The following HECW1 variants were observed in gnomAD, a reference collection of about 807,000 sequenced individuals.
HECW1 encodes the protein E3 ubiquitin-protein ligase HECW1.
A neutral mutation model predicts 182.3 loss-of-function variants in HECW1; 61 were observed. The observed-to-expected ratio is 0.33, with a 90% CI of 0.27 to 0.41. The LOEUF (loss-of-function observed/expected upper bound fraction) is 0.41. HECW1 is among the 10% of genes least tolerant of loss of function. The probability of loss-of-function intolerance (pLI) is 1.00; values close to 1 mark genes in which losing one functional copy is unlikely to be tolerated. For synonymous variants in HECW1, 859 were observed against 832.6 expected, an observed-to-expected ratio of 1.03 and a Z score of -0.55; for missense variants, 1,739 against 2,108.9, an observed-to-expected ratio of 0.82 and a Z score of 3.44.
chr7:43,334,906 C>A (rs1301186159), intron 5 of HECW1, among the ~76,000 whole-genome samples: 1 of 152,176 alleles, frequency 6.6e-6, no homozygotes, highest in African/African-American at 2.4e-5. Flanking sequence ...CAGACACAGC[C>A]TTTTCTTGGA....
At chr7:43,411,389 T>G (rs2075798991) in intron 8 of HECW1, among the ~76,000 whole-genome samples, 1 of 152,204 alleles carries the variant, frequency 6.6e-6, no homozygotes, top group Non-Finnish European at 1.5e-5. Context: ...AGCCATGTTT[T>G]ACAGTCCAGC....
intron 2 of HECW1, among the ~76,000 whole-genome samples, chr7:43,139,103 A>T (rs948663759): frequency 3.3e-5 from 5 of 151,804 alleles, no homozygotes; most frequent in Non-Finnish European, 5.9e-5. Context: ...TCTCCATTTT[A>T]TTATGATATC....
intron 9 of HECW1, 119 bp from the exon 10 acceptor site, chr7:43,442,410 G>C: frequency 1.5e-6 from 1 of 664,668 alleles, no homozygotes; most frequent in Non-Finnish European, 2.8e-6. Flanking sequence ...TATTGCTGTT[G>C]AGCACATCAG....
At chr7:43,441,544 T>C (rs2076888082) in intron 9 of HECW1, among the ~76,000 whole-genome samples, 1 of 129,364 alleles carries the variant, frequency 7.7e-6, no homozygotes, top group South Asian at 2.8e-4. Context: ...ATCCGTGTCT[T>C]TTTTTATTCT....
chr7:43,556,296 T>C (rs2082017389), intron 29 of HECW1, among the ~76,000 whole-genome samples: 1 of 152,098 alleles, frequency 6.6e-6, no homozygotes, highest in Admixed American at 6.5e-5. Flanking sequence ...TGGCAGCACG[T>C]GTTCAGGAAG....
At chr7:43,260,709 G>C (rs1024918883) in intron 3 of HECW1, among the ~76,000 whole-genome samples, 3 of 152,160 alleles carry the variant, frequency 2.0e-5, no homozygotes, top group South Asian at 4.1e-4. Context: ...GGTTGATTTA[G>C]TGATTTAGTA....
At chr7:43,509,246 T>A (rs1045680385) in intron 24 of HECW1, 125 bp downstream of exon 24, 2 of 854,238 alleles carry the variant, frequency 2.3e-6, no homozygotes. Flanking sequence ...GGGATGAGAG[T>A]GAATGACAGA....
At chr7:43,529,981 G>A (rs188167296) in intron 24 of HECW1, among the ~76,000 whole-genome samples, 8 of 150,592 alleles carry the variant, frequency 5.3e-5, no homozygotes, top group South Asian at 2.1e-4. Flanking sequence ...ACAGAGTTTC[G>A]CTCTGTCACC....
At position 43,133,617 on chromosome 7, in the gene HECW1, CTT is replaced by C. The variant is rs530544997; in HGVS notation, c.-32+19228_-32+19229del. The stretch of plus-strand genomic sequence containing the variant: ...TTGTTTTTACATTTTATATTTCTCT[CTT>C]TCTTTCTCTGTTCCTTCCTTACTCT... On this transcript the variant is annotated intron_variant, in intron 2 of 29. Transcript: ENST00000395891. Among the ~76,000 whole-genome samples, 19 of 150,954 alleles carry C rather than the reference CTT, an allele frequency of 1.3e-4. No homozygotes were observed. The East Asian group carries it at 3.7e-3, about 29-fold the overall frequency.
intron 2 of HECW1, among the ~76,000 whole-genome samples, chr7:43,190,685 C>T (rs1282099730): frequency 6.6e-6 from 1 of 152,226 alleles, no homozygotes; most frequent in Non-Finnish European, 1.5e-5. Context: ...CTCTAACCAT[C>T]CCAAATGGGG....
intron 24 of HECW1, among the ~76,000 whole-genome samples, chr7:43,528,743 G>A (rs1034168312): frequency 3.3e-5 from 5 of 152,116 alleles, no homozygotes; most frequent in Admixed American, 3.3e-4. Context: ...GGGACTTGGC[G>A]GCACCAGGGC....
At position 43,492,020 on chromosome 7, in the gene HECW1, A is replaced by G. The variant is rs1044798606; in HGVS notation, c.3235-55A>G. 6 of 1,282,930 alleles carry G rather than the reference A, an allele frequency of 4.7e-6. No individual in the cohort carries two copies. In the Admixed American group the frequency reaches 9.7e-5, roughly 21 times the overall value. The allele number at this position is 1,282,930 out of a possible 1,614,324, so 79.5% of individuals were successfully genotyped here. A position where few individuals can be genotyped will look rare whatever the true frequency, so the allele number is the denominator to read the frequency against. On this transcript the variant is annotated intron_variant, in intron 17 of 29. Coordinates refer to ENST00000395891, the MANE Select transcript of HECW1 (RefSeq NM_015052.5). Reference sequence around the variant, plus strand: ...CTTAGGTTGAAAAACTGGTATCAAGAGACATCTGAAATTGATACAAATTTC... The same window carrying G: ...CTTAGGTTGAAAAACTGGTATCAAGGGACATCTGAAATTGATACAAATTTC...
In HECW1 at chr7:43,554,612, G is replaced by A. The variant is rs1215298808; in HGVS notation, c.4531G>A (p.Val1511Met). The change falls in exon 29 of 30, where the codon GTG becomes ATG. Residue 1511 changes from valine (V) to methionine (M), a missense_variant. By Grantham distance (21) the Val-to-Met change is conservative. This residue lies in a region of HECW1 where 420 missense variants were observed against 595.7 expected (regional missense o/e 0.71). Transcript: ENST00000395891. ...TGCAGGTTACCACGATGGGCATCTT[G>A]TGATCCGCTGGTTCTGGGCTGCGGT... is the stretch of plus-strand genomic sequence containing the variant. ...YRGGYHDGHL[V>M]IRWFWAAVER... 1.2e-6 allele frequency: 2 copies of A among 1,613,148 alleles called. No individual in the cohort carries two copies. Among genetic ancestry groups the A allele is most frequent in the South Asian group, 2.2e-5 (2 of 90,720 alleles).
chr7:43,454,563 A>C (rs1341564888), intron 12 of HECW1, among the ~76,000 whole-genome samples: 1 of 152,202 alleles, frequency 6.6e-6, no homozygotes, highest in Non-Finnish European at 1.5e-5. Context: ...GGACATATTT[A>C]TACAATCTGC....
chr7:43,455,027 G>A (rs568976517), intron 12 of HECW1, among the ~76,000 whole-genome samples: 2 of 152,306 alleles, frequency 1.3e-5, no homozygotes, highest in South Asian at 4.1e-4. Context: ...TCGCTCAGAC[G>A]TGAACACATT....
intron 4 of HECW1, among the ~76,000 whole-genome samples, chr7:43,319,232 A>G (rs1055266137): frequency 5.3e-5 from 8 of 150,574 alleles, no homozygotes; most frequent in Non-Finnish European, 7.4e-5. Context: ...CTAAAAATAC[A>G]AAAAATTAGC....
At chr7:43,150,667 C>G (rs1356333490) in intron 2 of HECW1, among the ~76,000 whole-genome samples, 1 of 152,250 alleles carries the variant, frequency 6.6e-6, no homozygotes, top group Non-Finnish European at 1.5e-5. Flanking sequence ...GCATGAGCCA[C>G]TGCATCAGGC....
chr7:43,340,205 T>A (rs1321098081), intron 5 of HECW1, among the ~76,000 whole-genome samples: 1 of 142,230 alleles, frequency 7.0e-6, no homozygotes, highest in Non-Finnish European at 1.5e-5. Flanking sequence ...AGAAGAAGTC[T>A]CTAATTCCCA....
At chr7:43,489,086 A>T (rs887087618) in intron 17 of HECW1, among the ~76,000 whole-genome samples, 4 of 152,182 alleles carry the variant, frequency 2.6e-5, no homozygotes, top group African/African-American at 9.7e-5. Context: ...TTTCTGGGTG[A>T]TGCCCTGACA....
Sources: gnomAD v4.1 joint callset for allele counts (sites outside exome capture counted in the v4.1 genomes callset) on GRCh38, gnomAD v4.1.1 for gene constraint, gnomAD v4.1.1 regional missense constraint, MANE v1.5 for transcripts, NCBI Gene and HGNC (gene_info 2026-07-23, HGNC 2026-07-21) for gene names.